The following XDH variants were observed in gnomAD, a reference collection of about 807,000 sequenced individuals.
XDH encodes xanthine dehydrogenase/oxidase.
In XDH, 138 loss-of-function variants were observed where a neutral mutation model predicts 156.1. The ratio of observed to expected loss-of-function variants is 0.88; its 90% confidence interval spans 0.77 to 1.02. The LOEUF (loss-of-function observed/expected upper bound fraction) is 1.02. XDH is among the 50% of genes least tolerant of loss of function. XDH has a pLI of 0.00. For synonymous variants in XDH, 669 were observed against 625.7 expected, an observed-to-expected ratio of 1.07 and a Z score of -1.03; for missense variants, 1,849 against 1,684.9, an observed-to-expected ratio of 1.10 and a Z score of -1.71.
At chr2:31,336,230 G>A (rs536761718) in intron 35 of XDH, among the ~76,000 whole-genome samples, 1 of 152,314 alleles carries the variant, frequency 6.6e-6, no homozygotes, top group Admixed American at 6.5e-5. Flanking sequence ...GTTCTATTAG[G>A]TTTTGGAGAT....
At chr2:31,414,499 G>C in intron 1 of XDH, 126 bp downstream of exon 1, 1 of 1,383,664 alleles carries the variant, frequency 7.2e-7, no homozygotes, top group Non-Finnish European at 1.0e-6. Flanking sequence ...TTTAAAGCGA[G>C]AGAGAGAAAG....
At chr2:31,375,980 C>G (rs1458684948) in intron 14 of XDH, among the ~76,000 whole-genome samples, 2 of 152,126 alleles carry the variant, frequency 1.3e-5, no homozygotes, top group African/African-American at 4.8e-5. Flanking sequence ...AATTTCGGAA[C>G]CAAGGAACCA....
At chr2:31,336,315 A>G (rs923845334) in intron 35 of XDH, among the ~76,000 whole-genome samples, 9 of 152,382 alleles carry the variant, frequency 5.9e-5, no homozygotes, top group Middle Eastern at 3.4e-3. Context: ...TCAGCTGCTC[A>G]TGCAAATCCA....
intron 24 of XDH, among the ~76,000 whole-genome samples, chr2:31,356,889 T>G (rs561328543): frequency 6.6e-6 from 1 of 152,174 alleles, no homozygotes; most frequent in South Asian, 2.1e-4. Context: ...GTTCTTCAAC[T>G]AAAACGGAAT....
intron 17 of XDH, among the ~76,000 whole-genome samples, chr2:31,371,686 T>C (rs1266968523): frequency 6.6e-6 from 1 of 152,222 alleles, no homozygotes; most frequent in Non-Finnish European, 1.5e-5. Flanking sequence ...TTTTTTGTTT[T>C]CAGGGACCTG....
chr2:31,344,633 G>C lies in XDH; in HGVS notation c.3404+51C>G, dbSNP rs757611819. On this transcript the variant is annotated intron_variant, in intron 31 of 35. Transcript: ENST00000379416. ...ATTCGGTGCTGGAGTGGACCAGTGA[G>C]GTTAGGACGACATCACACTATGAGC... 7.5e-6 allele frequency: 12 copies of C among 1,606,450 alleles called. No individual in the cohort carries two copies. The South Asian group carries it at 1.1e-4, about 15-fold the overall frequency.
At chr2:31,368,458 A>G (rs983175330) in intron 19 of XDH, 83 bp downstream of exon 19, 9 of 1,562,386 alleles carry the variant, frequency 5.8e-6, no homozygotes, top group Non-Finnish European at 8.8e-7. Flanking sequence ...CTGCTGCTCA[A>G]ATCCCCTCCA....
chr2:31,341,492 CA>C (rs1685125155), intron 32 of XDH, 98 bp from the exon 33 acceptor site: 5 of 1,263,702 alleles, frequency 4.0e-6, no homozygotes, highest in Non-Finnish European at 5.6e-6. Context: ...AAGTGCCAAC[CA>C]AAGAGTACGT....
intron 2 of XDH, among the ~76,000 whole-genome samples, chr2:31,404,723 C>T (rs1277495173): frequency 6.6e-6 from 1 of 152,206 alleles, no homozygotes; most frequent in Non-Finnish European, 1.5e-5. Context: ...TCACCTGATC[C>T]GATCTAGTGA....
intron 30 of XDH, among the ~76,000 whole-genome samples, chr2:31,345,534 T>G (rs1303159966): frequency 1.3e-5 from 2 of 152,220 alleles, no homozygotes; most frequent in Non-Finnish European, 2.9e-5. Flanking sequence ...CACGCGCTAT[T>G]TAGCACTTTG....
intron 15 of XDH, among the ~76,000 whole-genome samples, 163 bp downstream of exon 15, chr2:31,375,217 C>A (rs1399801791): frequency 6.6e-6 from 1 of 151,862 alleles, no homozygotes; most frequent in Non-Finnish European, 1.5e-5. Context: ...TGCCTCTAAG[C>A]CAGCTGGTCA....
At position 31,387,829 on chromosome 2, in the gene XDH, A is replaced by T; in HGVS notation, c.633T>A (p.Ile211=). ...FTPLDPTQEP[I]FPPELLRLKD... ...CACCTACCAGCAACTCTGGGGGAAA[A>T]ATGGGCTCCTGGGTTGGATCCAGGG... Residue 211 remains isoleucine (I), a synonymous_variant, in exon 8 of 36, where the codon ATT becomes ATA. Transcript: ENST00000379416. 6.3e-7 allele frequency: 1 copy of T among 1,585,180 alleles called. No homozygotes were observed. The highest frequency in any genetic ancestry group is 8.6e-7 in the Non-Finnish European group (1 of 1,165,986).
rs780136434 is a variant in XDH at position 31,348,979 on chromosome 2, C to T, written c.2971G>A (p.Glu991Lys). 2 of 1,613,094 alleles carry T rather than the reference C, an allele frequency of 1.2e-6. No individual in the cohort carries two copies. The highest frequency in any genetic ancestry group is 2.2e-5 in the South Asian group (2 of 91,042). Reference sequence around the variant, plus strand: ...AATCCTCTCTTTTTCCAACAATTCTCCCTAGAGAAAAAGGAATATTCTTAT... The same window carrying T: ...AATCCTCTCTTTTTCCAACAATTCTTCCTAGAGAAAAAGGAATATTCTTAT... ...RKSEVDKFNK[E>K]NCWKKRGLCI... Residue 991 changes from glutamate to lysine, a missense_variant and splice_region_variant, in exon 27 of 36, where the codon GAG (glutamate) becomes AAG (lysine). Glu to Lys is a moderately conservative substitution (Grantham distance 56). Transcript: ENST00000379416.
rs1477819829 is a variant in XDH, at chr2:31,335,085, G to C, written c.*873C>G. On this transcript the variant is annotated 3_prime_UTR_variant, in exon 36 of 36. Transcript: ENST00000379416. The stretch of plus-strand genomic sequence containing the variant: ...AGGAGCTCTCTATGTTGCCCAGGCT[G>C]GTCTCAAACTGCTGGGCTCAAGCAA... The C allele has an allele frequency of 2.0e-5, 3 of 152,078 alleles. No homozygotes were observed. Among genetic ancestry groups the C allele is most frequent in the Non-Finnish European group, 2.9e-5 (2 of 68,046 alleles). The allele number at this position is 152,078 out of a possible 1,614,324, so 9.4% of individuals were successfully genotyped here.
At chr2:31,387,091 A>G (rs191965299) in intron 8 of XDH, among the ~76,000 whole-genome samples, 5 of 152,278 alleles carry the variant, frequency 3.3e-5, no homozygotes, top group South Asian at 2.1e-4. Context: ...TAGTGCTTGC[A>G]GGAAGACACT....
chr2:31,349,707 C>A lies in XDH; in HGVS notation c.2948G>T (p.Ser983Ile). 1.2e-6 allele frequency: 2 copies of A among 1,614,196 alleles called. No individual in the cohort carries two copies. The highest frequency in any genetic ancestry group is 1.7e-6 in the Non-Finnish European group (2 of 1,180,036). The part of the protein sequence containing the change: ...LASSQYHARK[S>I]EVDKFNKENC... The stretch of plus-strand genomic sequence containing the variant: ...TTACTTGTTGAACTTGTCAACCTCA[C>A]TCTTCCGAGCATGATACTGAGAGCT... The change falls in exon 26 of 36, where the codon AGT (serine) becomes ATT (isoleucine). Residue 983 changes from serine to isoleucine, a missense_variant. Physicochemically the swap from Ser to Ile is moderately radical, Grantham distance 142. Coordinates refer to ENST00000379416, the MANE Select transcript of XDH (RefSeq NM_000379.4).
chr2:31,365,651 C>T (rs932084950), intron 22 of XDH, 107 bp from the exon 23 acceptor site: 19 of 1,291,640 alleles, frequency 1.5e-5, no homozygotes, highest in Non-Finnish European at 2.0e-5. Flanking sequence ...CACCTGCACG[C>T]TGAGCAGACC....
intron 28 of XDH, 109 bp from the exon 29 acceptor site, chr2:31,347,759 T>C (rs530645315): frequency 4.9e-6 from 7 of 1,426,506 alleles, no homozygotes; most frequent in African/African-American, 1.4e-5. Context: ...GAAAACAATT[T>C]CGTAAACTCT....
At position 31,388,226 on chromosome 2, in the gene XDH, C is replaced by G; in HGVS notation, c.564+1G>C. The G allele has an allele frequency of 6.2e-7, 1 of 1,614,200 alleles. No individual in the cohort carries two copies. Among genetic ancestry groups the G allele is most frequent in the Non-Finnish European group, 8.5e-7 (1 of 1,180,012 alleles). On this transcript the variant is annotated splice_donor_variant, in intron 7 of 35. Transcript: ENST00000379416. LOFTEE classifies it high-confidence loss of function. Reference sequence around the variant, plus strand: ...TTCCAGGGGGAGAAGAACTCACTTACTGAGTGGTCTTTCTTCTGGTTCATG... The same window carrying G: ...TTCCAGGGGGAGAAGAACTCACTTAGTGAGTGGTCTTTCTTCTGGTTCATG...
Sources: allele counts gnomAD v4.1 joint callset (sites outside exome capture counted in the v4.1 genomes callset), GRCh38; gene constraint gnomAD v4.1.1; transcripts MANE v1.5; gene names NCBI Gene and HGNC (gene_info 2026-07-23, HGNC 2026-07-21).